The following KLHL1 variants were observed in gnomAD, a reference collection of about 807,000 sequenced individuals.
KLHL1 encodes the protein kelch like family member 1.
A neutral mutation model predicts 77.7 loss-of-function variants in KLHL1; 47 were observed. The ratio of observed to expected loss-of-function variants is 0.60; its 90% CI spans 0.48 to 0.77. KLHL1 has a LOEUF of 0.77. Among genes scored for constraint, KLHL1 ranks in the 30% least tolerant of loss-of-function variants. The pLI is 0.00. For missense variants in KLHL1, 925 were observed against 910.8 expected, an observed-to-expected ratio of 1.02 and a Z score of -0.20; for synonymous variants, 360 against 325.2, an observed-to-expected ratio of 1.11 and a Z score of -1.15.
intron 6 of KLHL1, among the ~76,000 whole-genome samples, chr13:69,827,592 T>C (rs1878596984): frequency 6.6e-6 from 1 of 151,766 alleles, no homozygotes; most frequent in Admixed American, 6.6e-5. Flanking sequence ...TAGCTGGGTG[T>C]GGTGGTGCAT....
intron 1 of KLHL1, among the ~76,000 whole-genome samples, chr13:70,005,146 A>G (rs1397748002): frequency 6.6e-6 from 1 of 151,886 alleles, no homozygotes; most frequent in Non-Finnish European, 1.5e-5. Context: ...TAAATATCTC[A>G]ATTTAAATTA....
intron 2 of KLHL1, among the ~76,000 whole-genome samples, chr13:69,968,935 C>T (rs149410288): frequency 2.0e-5 from 3 of 152,130 alleles, no homozygotes; most frequent in African/African-American, 7.2e-5. Flanking sequence ...TATAGTGATG[C>T]TTACATCTAT....
At chr13:69,939,600 T>G (rs2138299558) in intron 4 of KLHL1, among the ~76,000 whole-genome samples, 1 of 151,990 alleles carries the variant, frequency 6.6e-6, no homozygotes, top group Middle Eastern at 3.4e-3. Flanking sequence ...TAAATAACTT[T>G]ATTAATATCT....
At chr13:69,961,858 T>C (rs117709838) in intron 2 of KLHL1, among the ~76,000 whole-genome samples, 13,097 of 152,044 alleles carry the variant, frequency 0.086, 636 homozygotes, top group Non-Finnish European at 0.11. Context: ...GCCAATAAAA[T>C]AGTATTTTTA....
intron 5 of KLHL1, among the ~76,000 whole-genome samples, chr13:69,846,431 C>A (rs1326355496): frequency 1.3e-5 from 2 of 151,440 alleles, no homozygotes; most frequent in Non-Finnish European, 3.0e-5. Flanking sequence ...AATAATTTAG[C>A]CATTTATAGC....
intron 1 of KLHL1, among the ~76,000 whole-genome samples, chr13:70,047,027 A>G (rs943149449): frequency 2.0e-5 from 3 of 152,158 alleles, no homozygotes; most frequent in African/African-American, 7.2e-5. Context: ...GCTCAATACA[A>G]TGCTTATCCT....
intron 3 of KLHL1, among the ~76,000 whole-genome samples, chr13:69,956,946 A>G (rs1448591316): frequency 1.3e-5 from 2 of 151,700 alleles, no homozygotes; most frequent in East Asian, 3.9e-4. Context: ...AGTTCTAGAC[A>G]TTGCTACTTC....
intron 4 of KLHL1, among the ~76,000 whole-genome samples, chr13:69,910,481 C>A (rs1295010637): frequency 6.6e-6 from 1 of 151,964 alleles, no homozygotes; most frequent in Admixed American, 6.6e-5. Flanking sequence ...CATACCACGG[C>A]CATCAAAATT....
At chr13:70,015,630 T>C (rs1244956234) in intron 1 of KLHL1, among the ~76,000 whole-genome samples, 1 of 152,010 alleles carries the variant, frequency 6.6e-6, no homozygotes, top group African/African-American at 2.4e-5. Context: ...GAATATTTTA[T>C]TATAAAAAAG....
At chr13:70,101,116 T>C (rs1256167606) in intron 1 of KLHL1, among the ~76,000 whole-genome samples, 2 of 152,184 alleles carry the variant, frequency 1.3e-5, no homozygotes, top group Non-Finnish European at 2.9e-5. Context: ...ATCTGATTAA[T>C]ATTATATTCT....
At chr13:69,992,665 A>ATT (rs1365134239) in intron 1 of KLHL1, among the ~76,000 whole-genome samples, 1 of 151,974 alleles carries the variant, frequency 6.6e-6, no homozygotes, top group Non-Finnish European at 1.5e-5. Context: ...ATCTTTCCTT[A>ATT]TTTTACTTCA....
intron 3 of KLHL1, among the ~76,000 whole-genome samples, chr13:69,952,861 G>T (rs1161018318): frequency 7.9e-5 from 12 of 151,266 alleles, no homozygotes; most frequent in African/African-American, 2.9e-4. Flanking sequence ...GGGTTGTTTT[G>T]CTTGTTTATA....
intron 8 of KLHL1, among the ~76,000 whole-genome samples, chr13:69,726,027 C>T (rs1288672311): frequency 6.6e-6 from 1 of 152,094 alleles, no homozygotes; most frequent in Non-Finnish European, 1.5e-5. Flanking sequence ...CCCATTTTGT[C>T]TTGTTCCCTG....
At chr13:69,968,471 C>A (rs1884283405) in intron 2 of KLHL1, among the ~76,000 whole-genome samples, 1 of 148,768 alleles carries the variant, frequency 6.7e-6, no homozygotes, top group African/African-American at 2.5e-5. Flanking sequence ...TCAGGGTGTG[C>A]CTGTACAGAA....
intron 3 of KLHL1, among the ~76,000 whole-genome samples, chr13:69,956,857 T>C (rs1883904765): frequency 6.6e-6 from 1 of 151,704 alleles, no homozygotes; most frequent in Non-Finnish European, 1.5e-5. Context: ...AAAAATATTT[T>C]GGTGTTTCTG....
chr13:70,003,161 A>C (rs1885336490), intron 1 of KLHL1, among the ~76,000 whole-genome samples: 1 of 151,762 alleles, frequency 6.6e-6, no homozygotes, highest in Non-Finnish European at 1.5e-5. Context: ...AATTATGAGC[A>C]TACAAACTAC....
chr13:69,937,248 A>G (rs1215690265), intron 4 of KLHL1, among the ~76,000 whole-genome samples: 2 of 152,166 alleles, frequency 1.3e-5, no homozygotes, highest in Non-Finnish European at 2.9e-5. Flanking sequence ...ACTTTGATAT[A>G]ATATTTAATT....
chr13:69,954,379 T>A (rs1883803772), intron 3 of KLHL1, among the ~76,000 whole-genome samples: 1 of 151,282 alleles, frequency 6.6e-6, no homozygotes, highest in African/African-American at 2.4e-5. Flanking sequence ...GCAGGTACCC[T>A]GAACACTTGG....
At chr13:70,027,743 A>T (rs1370054383) in intron 1 of KLHL1, among the ~76,000 whole-genome samples, 1 of 149,676 alleles carries the variant, frequency 6.7e-6, no homozygotes, top group African/African-American at 2.5e-5. Context: ...GTGAGTGAGA[A>T]ACAAATGTTT....
Sources: gnomAD v4.1 joint callset for allele counts (sites outside exome capture counted in the v4.1 genomes callset) on GRCh38, gnomAD v4.1.1 for gene constraint, MANE v1.5 for transcripts, NCBI Gene and HGNC (gene_info 2026-07-23, HGNC 2026-07-21) for gene names.